The following CHL1 variants were observed in gnomAD, a reference collection of about 807,000 sequenced individuals.
The protein encoded by CHL1 is cell adhesion molecule L1 like.
CHL1 carries 96 observed loss-of-function variants against 141.9 expected under a neutral mutation model. The observed-to-expected ratio is 0.68, with a 90% confidence interval of 0.57 to 0.80. CHL1 has a LOEUF of 0.80. CHL1 is among the 30% of genes least tolerant of loss of function. The probability of loss-of-function intolerance (pLI) is 0.00; values close to 1 mark genes in which losing one functional copy is unlikely to be tolerated. For missense variants in CHL1, 1,820 were observed against 1,457.2 expected (o/e 1.25, Z -4.05); for synonymous variants, 613 against 502.2 (o/e 1.22, Z -2.95).
At chr3:278,412 A>G (rs116412977) in intron 2 of CHL1, among the ~76,000 whole-genome samples, 2,641 of 152,282 alleles carry the variant, frequency 0.017, 85 homozygotes, top group African/African-American at 0.057. Context: ...CCATGATGCC[A>G]TGAGTTAATT....
intron 1 of CHL1, among the ~76,000 whole-genome samples, chr3:236,670 A>G (rs892441383): frequency 6.6e-6 from 1 of 152,168 alleles, no homozygotes; most frequent in Non-Finnish European, 1.5e-5. Flanking sequence ...AAGGTTGTAG[A>G]AAACATTATA....
chr3:406,032 G>A lies in CHL1; in HGVS notation c.*321G>A, dbSNP rs1355830852. 6 of 258,310 alleles carry A rather than the reference G, an allele frequency of 2.3e-5. No homozygotes were observed. Among genetic ancestry groups the A allele is most frequent in the South Asian group, 1.4e-4 (3 of 20,826 alleles). 16.0% of individuals were successfully genotyped at this position (258,310 alleles called of 1,614,324 possible). On this transcript the variant is annotated 3_prime_UTR_variant, in exon 28 of 28. Coordinates refer to ENST00000256509, the MANE Select transcript of CHL1 (RefSeq NM_006614.4). ...CCATATTTGCCTGATTTTACTATTCGGTGTGTTTGCATAGATGTTGCTACT... is the reference window on the plus strand; with the variant it reads ...CCATATTTGCCTGATTTTACTATTCAGTGTGTTTGCATAGATGTTGCTACT...
chr3:275,461 C>T (rs765093297), intron 2 of CHL1, among the ~76,000 whole-genome samples: 3 of 152,092 alleles, frequency 2.0e-5, no homozygotes, highest in Non-Finnish European at 4.4e-5. Flanking sequence ...TGATGGCAAC[C>T]GTAGGCCTAG....
intron 18 of CHL1, among the ~76,000 whole-genome samples, chr3:382,895 A>G (rs1456879595): frequency 6.6e-6 from 1 of 152,214 alleles, no homozygotes; most frequent in Non-Finnish European, 1.5e-5. Flanking sequence ...CATATGAAAA[A>G]AAAACATTAC....
chr3:230,607 G>A (rs1053912272), intron 1 of CHL1, among the ~76,000 whole-genome samples: 2 of 151,758 alleles, frequency 1.3e-5, no homozygotes, highest in African/African-American at 4.8e-5. Context: ...CACTTGTTAT[G>A]TATGACACTA....
intron 1 of CHL1, among the ~76,000 whole-genome samples, chr3:220,545 AT>A (rs1425561624): frequency 6.6e-6 from 1 of 152,088 alleles, no homozygotes; most frequent in East Asian, 1.9e-4. Context: ...TCCATGCATA[AT>A]TTTTGTGATA....
rs561448939 is a variant in CHL1, at chr3:221,623, A to C, written c.-174-22990A>C. On this transcript the variant is annotated intron_variant, in intron 1 of 27. Transcript: ENST00000256509. ...AGTAGAGGGAATTCGCATGAGCAAC[A>C]CCTCAGTACTTAACAGTCATTCAAG... 4.6e-5 allele frequency among the ~76,000 whole-genome samples: 7 copies of C among 152,352 alleles called. No homozygotes were observed. The East Asian group carries it at 1.3e-3, about 29-fold the overall frequency.
rs1695886965 is a variant in CHL1 at position 274,183 on chromosome 3, TC to T, written c.-95+29493del. Among the ~76,000 whole-genome samples the T allele has an allele frequency of 2.6e-5, 4 of 152,206 alleles. No homozygotes were observed. The South Asian group carries it at 8.3e-4, about 32-fold the overall frequency. ...CCTCCTTGACTAACTAACCTATACATCCTCCCAAATCTCAATTCAATGATCA... is the reference window on the plus strand; with the variant it reads ...CCTCCTTGACTAACTAACCTATACATCTCCCAAATCTCAATTCAATGATCA... On this transcript the variant is annotated intron_variant, in intron 2 of 27. Transcript: ENST00000256509.
intron 8 of CHL1, among the ~76,000 whole-genome samples, chr3:343,566 G>C (rs1158325848): frequency 6.6e-6 from 1 of 152,206 alleles, no homozygotes; most frequent in Admixed American, 6.5e-5. Flanking sequence ...ACGTCTACCA[G>C]AACTTGTGTT....
At chr3:276,406 C>T (rs1479912066) in intron 2 of CHL1, among the ~76,000 whole-genome samples, 1 of 152,078 alleles carries the variant, frequency 6.6e-6, no homozygotes. Flanking sequence ...CAGAGTTTAG[C>T]CTGTTTGGAA....
intron 12 of CHL1, 88 bp from the exon 13 acceptor site, chr3:361,611 A>G (rs1363570582): frequency 2.3e-5 from 19 of 809,568 alleles, no homozygotes; most frequent in South Asian, 6.0e-5. Context: ...TTCTGTTTGT[A>G]TTCGTATGAC....
At chr3:402,147 G>T (rs978204283) in intron 27 of CHL1, among the ~76,000 whole-genome samples, 2 of 152,182 alleles carry the variant, frequency 1.3e-5, no homozygotes, top group African/African-American at 4.8e-5. Flanking sequence ...ATATGCAAAT[G>T]ACTGTAATGA....
intron 5 of CHL1, among the ~76,000 whole-genome samples, chr3:333,666 C>G (rs529500312): frequency 4.6e-5 from 7 of 152,244 alleles, no homozygotes; most frequent in African/African-American, 1.7e-4. Context: ...CAGCCACTTT[C>G]TAGTAATTTG....
chr3:289,837 C>G (rs1444289915), intron 2 of CHL1, among the ~76,000 whole-genome samples: 1 of 150,304 alleles, frequency 6.7e-6, no homozygotes, highest in Non-Finnish European at 1.5e-5. Context: ...TTACTTAATA[C>G]ATATTGATGC....
intron 2 of CHL1, among the ~76,000 whole-genome samples, chr3:303,966 G>C (rs1648533551): frequency 6.6e-6 from 1 of 152,168 alleles, no homozygotes; most frequent in Non-Finnish European, 1.5e-5. Flanking sequence ...GGCCTTTTCT[G>C]TATCTATTGA....
At chr3:369,922 T>G (rs1705407888) in intron 15 of CHL1, among the ~76,000 whole-genome samples, 1 of 152,166 alleles carries the variant, frequency 6.6e-6, no homozygotes, top group Non-Finnish European at 1.5e-5. Context: ...ATATGTTGAA[T>G]CAGCCTTGAA....
intron 14 of CHL1, 48 bp downstream of exon 14, chr3:363,431 G>A (rs768121510): frequency 4.6e-6 from 7 of 1,522,314 alleles, no homozygotes; most frequent in African/African-American, 1.4e-5. Context: ...CATGGGTTCA[G>A]TCTGTCTTCA....
chr3:307,321 TAC>T (rs1203008344), intron 2 of CHL1, among the ~76,000 whole-genome samples: 1 of 152,236 alleles, frequency 6.6e-6, no homozygotes, highest in Admixed American at 6.5e-5. Context: ...AGCATGCATT[TAC>T]ACACACAAAC....
At chr3:379,397 A>G (rs940596462) in intron 16 of CHL1, among the ~76,000 whole-genome samples, 4 of 152,090 alleles carry the variant, frequency 2.6e-5, no homozygotes, top group African/African-American at 9.7e-5. Flanking sequence ...GTATTTGAGC[A>G]TTTTCAGGTC....
Sources: allele counts gnomAD v4.1 joint callset (sites outside exome capture counted in the v4.1 genomes callset), GRCh38; gene constraint gnomAD v4.1.1; transcripts MANE v1.5; gene names NCBI Gene and HGNC (gene_info 2026-07-23, HGNC 2026-07-21).